The following UMAD1 variants were observed in gnomAD, a reference collection of about 807,000 sequenced individuals.
UMAD1 encodes UBAP1-MVB12-associated (UMA)-domain containing protein 1.
A neutral mutation model predicts 6.1 loss-of-function variants in UMAD1; 8 were observed. That is an observed-to-expected ratio of 1.30 (90% CI 0.76 to 2.35). The LOEUF (loss-of-function observed/expected upper bound fraction) is 2.35. Among genes scored for constraint, UMAD1 ranks in the 30% most tolerant of loss-of-function variants. The probability of loss-of-function intolerance (pLI) is 0.00; values close to 1 mark genes in which losing one functional copy is unlikely to be tolerated. For synonymous variants in UMAD1, 56 were observed against 31.4 expected (o/e 1.78, Z -2.61); for missense variants, 130 against 78.4 (o/e 1.66, Z -2.49).
intron 2 of UMAD1, among the ~76,000 whole-genome samples, chr7:7,774,931 C>G (rs1246006411): frequency 6.6e-6 from 1 of 152,178 alleles, no homozygotes; most frequent in East Asian, 1.9e-4. Flanking sequence ...TAACCTGTAT[C>G]CTTATCACAT....
At chr7:7,819,474 A>G (rs1221702065) in intron 3 of UMAD1, among the ~76,000 whole-genome samples, 1 of 152,174 alleles carries the variant, frequency 6.6e-6, no homozygotes, top group African/African-American at 2.4e-5. Context: ...TATGCTATAC[A>G]CACGCTGGGA....
chr7:7,829,093 G>C (rs1235354299), intron 3 of UMAD1, among the ~76,000 whole-genome samples: 1 of 152,138 alleles, frequency 6.6e-6, no homozygotes, highest in Non-Finnish European at 1.5e-5. Flanking sequence ...ACATTTTCTT[G>C]TCAATGTTCT....
Position 7,800,761 on chromosome 7 carries a change from A to G in UMAD1, c.83-909A>G, listed in dbSNP as rs1782783457. Among the ~76,000 whole-genome samples, 2 of 152,230 alleles carry G rather than the reference A, an allele frequency of 1.3e-5. 1 individual carries two copies. Among genetic ancestry groups the G allele is most frequent in the South Asian group, 4.1e-4 (2 of 4,834 alleles). On this transcript the variant is annotated intron_variant, in intron 2 of 3. Coordinates refer to ENST00000682710, the MANE Select transcript of UMAD1 (RefSeq NM_001302348.2). ...AGCTTAGACAAGATTTTCATACTTT[A>G]TCTCCAGTCAAGACTCATGACTTTT...
Position 7,793,814 on chromosome 7 carries a change from A to G in UMAD1, c.83-7856A>G, listed in dbSNP as rs74837922. On this transcript the variant is annotated intron_variant, in intron 2 of 3. Transcript: ENST00000682710. The stretch of plus-strand genomic sequence containing the variant: ...TCTTCCGAAGAGTCAGATGAAAAGA[A>G]TATATTTTATAACCAAATTTAACTT... 9.4e-3 allele frequency among the ~76,000 whole-genome samples: 1,430 copies of G among 152,356 alleles called. 24 individuals carry two copies. Among genetic ancestry groups the G allele is most frequent in the African/African-American group, 0.032 (1,342 of 41,580 alleles).
chr7:7,657,946 A>G (rs958579651), intron 1 of UMAD1, among the ~76,000 whole-genome samples: 17 of 152,226 alleles, frequency 1.1e-4, no homozygotes, highest in African/African-American at 3.9e-4. Flanking sequence ...ATCCATGAGC[A>G]TGGAATGTTT....
chr7:7,804,325 A>G (rs1411227002), intron 3 of UMAD1, among the ~76,000 whole-genome samples: 1 of 152,238 alleles, frequency 6.6e-6, no homozygotes, highest in Non-Finnish European at 1.5e-5. Flanking sequence ...CCAAATAGTA[A>G]TTTACCTTGA....
At chr7:7,654,562 T>A (rs939291629) in intron 1 of UMAD1, among the ~76,000 whole-genome samples, 7 of 152,218 alleles carry the variant, frequency 4.6e-5, no homozygotes, top group Admixed American at 3.9e-4. Context: ...CCCATATGCT[T>A]TATCCCTAAA....
At chr7:7,719,026 C>T (rs577474295) in intron 2 of UMAD1, among the ~76,000 whole-genome samples, 5 of 151,882 alleles carry the variant, frequency 3.3e-5, no homozygotes, top group Admixed American at 1.3e-4. Flanking sequence ...TTTTAAAAAA[C>T]ATATGAGTAT....
chr7:7,851,098 T>C (rs911604747), intron 3 of UMAD1, among the ~76,000 whole-genome samples: 1 of 152,192 alleles, frequency 6.6e-6, no homozygotes, highest in Non-Finnish European at 1.5e-5. Flanking sequence ...AACTAATCTA[T>C]TCTGTCTCTT....
chr7:7,832,641 A>G (rs1783488683), intron 3 of UMAD1, among the ~76,000 whole-genome samples: 1 of 152,234 alleles, frequency 6.6e-6, no homozygotes, highest in African/African-American at 2.4e-5. Context: ...CTACTCTTTA[A>G]CAGTGCTCTT....
At chr7:7,717,432 C>T (rs560207272) in intron 2 of UMAD1, among the ~76,000 whole-genome samples, 4 of 152,164 alleles carry the variant, frequency 2.6e-5, no homozygotes, top group African/African-American at 7.2e-5. Context: ...GTTTCTTTGG[C>T]GTGAGACGAT....
At chr7:7,835,442 A>T (rs1583861075) in intron 3 of UMAD1, among the ~76,000 whole-genome samples, 1 of 44,260 alleles carries the variant, frequency 2.3e-5, no homozygotes, top group Non-Finnish European at 5.0e-5. Context: ...TCATTCATTC[A>T]TTCACTCATT....
chr7:7,867,982 G>A (rs143258127), intron 3 of UMAD1, among the ~76,000 whole-genome samples: 3 of 152,076 alleles, frequency 2.0e-5, no homozygotes, highest in East Asian at 1.9e-4. Context: ...ATCCTCACTC[G>A]GTGGTTGCTG....
chr7:7,742,028 G>C, intron 2 of UMAD1: 1 of 443,684 alleles, frequency 2.3e-6, no homozygotes, highest in South Asian at 2.0e-5. Context: ...ATACTGATGT[G>C]AGACAGTTCC....
At chr7:7,758,039 C>T (rs950421212) in intron 2 of UMAD1, among the ~76,000 whole-genome samples, 4 of 151,818 alleles carry the variant, frequency 2.6e-5, no homozygotes, top group Non-Finnish European at 1.5e-5. Flanking sequence ...AATGTGCTTG[C>T]TTGTTTGGGT....
At chr7:7,784,003 T>C (rs960597547) in intron 2 of UMAD1, among the ~76,000 whole-genome samples, 6 of 152,182 alleles carry the variant, frequency 3.9e-5, no homozygotes, top group African/African-American at 1.4e-4. Context: ...AGTTTGCCTA[T>C]GGCAAACTGA....
intron 3 of UMAD1, among the ~76,000 whole-genome samples, chr7:7,832,427 C>T (rs1464942008): frequency 6.6e-6 from 1 of 152,108 alleles, no homozygotes; most frequent in Non-Finnish European, 1.5e-5. Context: ...ATCCTCTCTT[C>T]CCAGATATGG....
At chr7:7,714,008 T>C (rs551164353) in intron 2 of UMAD1, among the ~76,000 whole-genome samples, 1 of 152,300 alleles carries the variant, frequency 6.6e-6, no homozygotes, top group South Asian at 2.1e-4. Flanking sequence ...CCCACACGTT[T>C]TTCATCGTCA....
chr7:7,744,924 C>T (rs1403571081), intron 2 of UMAD1, among the ~76,000 whole-genome samples: 1 of 151,962 alleles, frequency 6.6e-6, no homozygotes, highest in African/African-American at 2.4e-5. Context: ...GGGCACTGAC[C>T]CCTGTGCACA....
Sources: gnomAD v4.1 joint callset for allele counts (sites outside exome capture counted in the v4.1 genomes callset) on GRCh38, gnomAD v4.1.1 for gene constraint, MANE v1.5 for transcripts, NCBI Gene and HGNC (gene_info 2026-07-23, HGNC 2026-07-21) for gene names.